The following FRA10AC1 variants were observed in gnomAD, a reference collection of about 807,000 sequenced individuals.
FRA10AC1 encodes protein FRA10AC1.
In FRA10AC1, 43 loss-of-function variants were observed where a neutral mutation model predicts 56.5. The ratio of observed to expected loss-of-function variants is 0.76; its 90% CI spans 0.60 to 0.98. The LOEUF is 0.98. Among genes scored for constraint, FRA10AC1 ranks in the 50% least tolerant of loss-of-function variants. The probability of loss-of-function intolerance (pLI) is 0.00; values close to 1 mark genes in which losing one functional copy is unlikely to be tolerated. For synonymous variants in FRA10AC1, 112 were observed against 110.5 expected (o/e 1.01, Z -0.09); for missense variants, 346 against 351.8 (o/e 0.98, Z 0.13).
At chr10:93,680,376 C>T (rs750141848) in intron 11 of FRA10AC1, among the ~76,000 whole-genome samples, 19 of 152,068 alleles carry the variant, frequency 1.2e-4, no homozygotes, top group Non-Finnish European at 2.6e-4. Flanking sequence ...GCTACAAATG[C>T]CATCTCTCAA....
At chr10:93,700,146 T>C (rs1212111878) in intron 1 of FRA10AC1, 40 bp from the exon 2 acceptor site, 2 of 1,121,378 alleles carry the variant, frequency 1.8e-6, no homozygotes, top group African/African-American at 1.5e-5. Flanking sequence ...GAATCTATGT[T>C]GCCAATTGTC....
Position 93,702,576 on chromosome 10 carries a change from GAC to G in FRA10AC1, c.-204_-203del. On this transcript the variant is annotated 5_prime_UTR_variant, in exon 1 of 14. Transcript: ENST00000359204. ...CAACCCGCCTCTCCCTACGGGTCCC[GAC>G]TGGGCACCACTTCCGGTCCGACACG... 1 of 225,770 alleles carries G rather than the reference GAC, an allele frequency of 4.4e-6. No individual in the cohort carries two copies. Among genetic ancestry groups the G allele is most frequent in the Non-Finnish European group, 8.7e-6 (1 of 115,396 alleles). 14.0% of individuals were successfully genotyped at this position (225,770 alleles called of 1,614,324 possible). A position where few individuals can be genotyped will look rare whatever the true frequency, so the allele number is the denominator to read the frequency against.
At chr10:93,681,458 C>T (rs765610649) in intron 11 of FRA10AC1, 22 bp downstream of exon 11, 2 of 1,424,600 alleles carry the variant, frequency 1.4e-6, no homozygotes, top group Admixed American at 2.3e-5. Flanking sequence ...TGAGTAGATG[C>T]CTTATCTTAA....
chr10:93,699,645 A>G (rs76602295), intron 2 of FRA10AC1, among the ~76,000 whole-genome samples: 2,725 of 152,338 alleles, frequency 0.018, 33 homozygotes, highest in Middle Eastern at 0.058. Flanking sequence ...CATCCTCCAT[A>G]TTAACTTCAC....
chr10:93,700,968 T>C (rs1339289187), intron 1 of FRA10AC1, among the ~76,000 whole-genome samples: 1 of 152,162 alleles, frequency 6.6e-6, no homozygotes, highest in Non-Finnish European at 1.5e-5. Flanking sequence ...TAGCTGAGAC[T>C]ACAGGAGTGC....
intron 8 of FRA10AC1, among the ~76,000 whole-genome samples, chr10:93,686,319 A>T (rs1298308571): frequency 6.6e-6 from 1 of 151,852 alleles, no homozygotes; most frequent in Non-Finnish European, 1.5e-5. Flanking sequence ...CAAAATTATA[A>T]CTTTATAAAA....
rs772038164 is a variant in FRA10AC1 at position 93,667,918 on chromosome 10, G to A, written c.*1908C>T. The A allele has an allele frequency of 5.9e-5, 9 of 152,058 alleles. No individual in the cohort carries two copies. Among genetic ancestry groups the A allele is most frequent in the Non-Finnish European group, 1.0e-4 (7 of 68,010 alleles). 9.4% of individuals were successfully genotyped at this position (152,058 alleles called of 1,614,324 possible). A position where few individuals can be genotyped will look rare whatever the true frequency, so the allele number is the denominator to read the frequency against. On this transcript the variant is annotated 3_prime_UTR_variant, in exon 14 of 14. Coordinates refer to ENST00000359204, the MANE Select transcript of FRA10AC1 (RefSeq NM_145246.5). ...AAAAACAATTTATTCAAGAAGTGAG[G>A]GGACTATCAAACAATGTTAAACACT...
In FRA10AC1 at chr10:93,698,291, A is replaced by G. The variant is rs1044477449; in HGVS notation, c.173+10T>C. On this transcript the variant is annotated intron_variant, in intron 3 of 13. Coordinates refer to ENST00000359204, the MANE Select transcript of FRA10AC1 (RefSeq NM_145246.5). ...AACCAAGAAATAGAATTGACACTGA[A>G]ATACCATACCTATCCAGCAATTCTG... 2 of 1,585,864 alleles carry G rather than the reference A, an allele frequency of 1.3e-6. No homozygotes were observed. The highest frequency in any genetic ancestry group is 1.7e-4 in the Middle Eastern group (1 of 6,024).
At chr10:93,670,374 A>C (rs931401225) in intron 13 of FRA10AC1, among the ~76,000 whole-genome samples, 35 of 152,120 alleles carry the variant, frequency 2.3e-4, no homozygotes, top group African/African-American at 8.0e-4. Context: ...AACAGTAAAT[A>C]TTATTATTTT....
chr10:93,690,908 T>C (rs1202697278), intron 7 of FRA10AC1, among the ~76,000 whole-genome samples: 1 of 152,124 alleles, frequency 6.6e-6, no homozygotes, highest in Non-Finnish European at 1.5e-5. Flanking sequence ...CTATTTTCTA[T>C]AAGAAACTGT....
chr10:93,683,957 A>T, intron 10 of FRA10AC1, 99 bp downstream of exon 10: 1 of 798,488 alleles, frequency 1.3e-6, no homozygotes, highest in South Asian at 1.7e-5. Flanking sequence ...AACCAATTCA[A>T]CCATCAACCA....
chr10:93,691,615 T>C (rs558963845), intron 7 of FRA10AC1, among the ~76,000 whole-genome samples: 61 of 152,342 alleles, frequency 4.0e-4, no homozygotes, highest in African/African-American at 1.4e-3. Context: ...TCTCTATAAA[T>C]GGTAATCAAT....
At chr10:93,673,197 A>G (rs2058792528) in intron 12 of FRA10AC1, 2 of 378,394 alleles carry the variant, frequency 5.3e-6, no homozygotes, top group Non-Finnish European at 1.0e-5. Flanking sequence ...CCTTAAATTA[A>G]GGCAAAAATC....
chr10:93,687,374 T>C (rs1177479117), intron 8 of FRA10AC1, 30 bp downstream of exon 8: 5 of 1,425,570 alleles, frequency 3.5e-6, no homozygotes, highest in East Asian at 5.0e-5. Flanking sequence ...AAGTTTATCC[T>C]ATTAAAAAGT....
intron 11 of FRA10AC1, among the ~76,000 whole-genome samples, chr10:93,680,969 T>C (rs1413871961): frequency 6.6e-6 from 1 of 152,176 alleles, no homozygotes; most frequent in Non-Finnish European, 1.5e-5. Context: ...TCTTTCTCAT[T>C]TCTAGAAACT....
chr10:93,702,554 C>CG lies in FRA10AC1; in HGVS notation c.-181_-180insC. ...CCGCCGCCGCCGCCGCCGCCCGCAA[C>CG]CCGCCTCTCCCTACGGGTCCCGACT... On this transcript the variant is annotated 5_prime_UTR_variant, in exon 1 of 14. Coordinates refer to ENST00000359204, the MANE Select transcript of FRA10AC1 (RefSeq NM_145246.5). 2.2e-5 allele frequency: 5 copies of CG among 231,786 alleles called. 1 individual carries two copies. Among genetic ancestry groups the CG allele is most frequent in the Non-Finnish European group, 2.5e-5 (3 of 119,764 alleles). 14.4% of individuals were successfully genotyped at this position (231,786 alleles called of 1,614,324 possible).
intron 7 of FRA10AC1, chr10:93,687,720 C>G (rs11187586): frequency 0.43 from 105,548 of 242,804 alleles, 25,940 homozygotes; most frequent in Non-Finnish European, 0.52. Context: ...TTCTGTAAGA[C>G]TGACAAGAAA....
intron 11 of FRA10AC1, among the ~76,000 whole-genome samples, chr10:93,679,233 G>GT (rs1399058287): frequency 6.6e-6 from 1 of 152,152 alleles, no homozygotes; most frequent in Non-Finnish European, 1.5e-5. Flanking sequence ...TTCTATCCCT[G>GT]AAGAATCTTC....
intron 4 of FRA10AC1, among the ~76,000 whole-genome samples, chr10:93,695,611 C>G (rs1051698652): frequency 6.6e-6 from 1 of 152,044 alleles, no homozygotes; most frequent in Non-Finnish European, 1.5e-5. Flanking sequence ...ACCTCACCTT[C>G]TACAATATTC....
Sources: gnomAD v4.1 joint callset for allele counts (sites outside exome capture counted in the v4.1 genomes callset) on GRCh38, gnomAD v4.1.1 for gene constraint, MANE v1.5 for transcripts, NCBI Gene and HGNC (gene_info 2026-07-23, HGNC 2026-07-21) for gene names.